DNAI1: variants seen among roughly 807,000 people sequenced by gnomAD.
DNAI1 encodes dynein, axonemal, intermediate polypeptide 1.
In DNAI1, 67 loss-of-function variants were observed where a neutral mutation model predicts 92.0. The ratio of observed to expected loss-of-function variants is 0.73; its 90% confidence interval spans 0.60 to 0.89. DNAI1 has a LOEUF of 0.89. Among genes scored for constraint, DNAI1 ranks in the 40% least tolerant of loss-of-function variants. The pLI, the probability that DNAI1 is intolerant of heterozygous loss-of-function variation, is 0.00. For missense variants in DNAI1, 839 were observed against 866.6 expected, an observed-to-expected ratio of 0.97 and a Z score of 0.40; for synonymous variants, 323 against 319.6, an observed-to-expected ratio of 1.01 and a Z score of -0.11.
chr9:34,514,656 T>C lies in DNAI1; in HGVS notation c.1735T>C (p.Tyr579His). 5.0e-6 allele frequency: 8 copies of C among 1,614,220 alleles called. No homozygotes were observed. The highest frequency in any genetic ancestry group is 6.8e-6 in the Non-Finnish European group (8 of 1,180,042). Residue 579 changes from tyrosine (Y) to histidine (H), a missense_variant, in exon 18 of 20, where the codon TAT (tyrosine) becomes CAT (histidine). Tyr to His is a moderately conservative substitution (Grantham distance 83, BLOSUM62 2). Coordinates refer to ENST00000242317, the MANE Select transcript of DNAI1 (RefSeq NM_012144.4). ...CCTCTGCAGGACCCCGATGTTCATC[T>C]ATGACCTGAACTCAGCCGTGGGTGA... The part of the protein sequence containing the change: ...DHTIKTPMFI[Y>H]DLNSAVGDVA...
At chr9:34,517,254 CCT>C (rs1825186573) in intron 18 of DNAI1, 29 bp from the exon 19 acceptor site, 1 of 1,609,110 alleles carries the variant, frequency 6.2e-7, no homozygotes, top group South Asian at 1.1e-5. Flanking sequence ...CCTCATTACC[CCT>C]GAGTGTGCTG....
At chr9:34,513,252 T>TA in intron 16 of DNAI1, 61 bp downstream of exon 16, 1 of 1,313,040 alleles carries the variant, frequency 7.6e-7, no homozygotes, top group Non-Finnish European at 1.1e-6. Context: ...CTGGGGAGCT[T>TA]AGAGTTCTCA....
At chr9:34,490,572 G>A (rs1824569130) in intron 7 of DNAI1, 84 bp downstream of exon 7, 1 of 1,588,824 alleles carries the variant, frequency 6.3e-7, no homozygotes, top group South Asian at 1.1e-5. Context: ...GGCCCTAGCA[G>A]ACCTCAGCCT....
chr9:34,513,151 AC>A lies in DNAI1; in HGVS notation c.1530del (p.Tyr510Ter), dbSNP rs751920647. ...TTTGACTTCCACAAAGAGATTGACT[AC>A]ATGTTCCTAGTGGGCACAGAGGAGG... ...TAFDFHKEID[Y>X]MFLVGTEEGK... On this transcript the variant is annotated frameshift_variant, in exon 16 of 20. Transcript: ENST00000242317. LOFTEE classifies it high-confidence loss of function. 27 of 1,614,006 alleles carry A rather than the reference AC, an allele frequency of 1.7e-5. No individual in the cohort carries two copies. The highest frequency in any genetic ancestry group is 2.1e-5 in the Non-Finnish European group (25 of 1,180,026).
intron 15 of DNAI1, 107 bp from the exon 16 acceptor site, chr9:34,513,005 G>A: frequency 3.3e-6 from 3 of 915,070 alleles, no homozygotes; most frequent in South Asian, 2.6e-5. Flanking sequence ...CCTGCGCTGA[G>A]TCCTGCGCTG....
intron 4 of DNAI1, chr9:34,488,026 C>A: frequency 5.4e-6 from 2 of 367,942 alleles, no homozygotes; most frequent in Non-Finnish European, 5.4e-6. Context: ...AAGGTGAAAT[C>A]TCAAATGAAA....
chr9:34,480,272 C>T (rs113120937), intron 1 of DNAI1, among the ~76,000 whole-genome samples: 14 of 99,440 alleles, frequency 1.4e-4, no homozygotes, highest in African/African-American at 2.4e-4. Context: ...TTTGGTGGAA[C>T]TTTTTTTTTT....
chr9:34,494,841 G>C (rs1824684406), intron 9 of DNAI1, among the ~76,000 whole-genome samples: 1 of 152,158 alleles, frequency 6.6e-6, no homozygotes, highest in South Asian at 2.1e-4. Context: ...TGAATGCCTT[G>C]GTGTGCACCC....
At chr9:34,501,786 G>A (rs1300296828) in intron 12 of DNAI1, among the ~76,000 whole-genome samples, 1 of 151,904 alleles carries the variant, frequency 6.6e-6, no homozygotes, top group Non-Finnish European at 1.5e-5. Context: ...GGGCATGGGG[G>A]ATGGGATCCC....
chr9:34,490,922 C>T (rs761920328), intron 7 of DNAI1, among the ~76,000 whole-genome samples: 12 of 152,204 alleles, frequency 7.9e-5, no homozygotes, highest in Non-Finnish European at 1.8e-4. Flanking sequence ...GAGGGAGCCT[C>T]TCAGCGTTTC....
chr9:34,517,166 C>G (rs1194294756), intron 18 of DNAI1, 119 bp from the exon 19 acceptor site: 1 of 1,070,830 alleles, frequency 9.3e-7, no homozygotes, highest in Non-Finnish European at 1.4e-6. Flanking sequence ...ACCTCCAGCT[C>G]CAGTGTGCTA....
chr9:34,514,427 A>G lies in DNAI1; in HGVS notation c.1603A>G (p.Thr535Ala), dbSNP rs904725096. 5 of 1,613,946 alleles carry G rather than the reference A, an allele frequency of 3.1e-6. No homozygotes were observed. The highest frequency in any genetic ancestry group is 3.3e-5 in the Admixed American group (2 of 59,992). Reference sequence around the variant, plus strand: ...ATCCTACTCCAGCCAATTCCTCGACACCTATGACGCCCACAACATGTCAGT... The same window carrying G: ...ATCCTACTCCAGCCAATTCCTCGACGCCTATGACGCCCACAACATGTCAGT... ...SKSYSSQFLDTYDAHNMSVDT... is the reference protein window; with the variant it reads ...SKSYSSQFLDAYDAHNMSVDT... Residue 535 changes from threonine to alanine, a missense_variant, in exon 17 of 20, where the codon ACC becomes GCC. Coordinates refer to ENST00000242317, the MANE Select transcript of DNAI1 (RefSeq NM_012144.4).
intron 1 of DNAI1, among the ~76,000 whole-genome samples, chr9:34,459,968 C>G (rs1022251185): frequency 2.0e-5 from 3 of 152,208 alleles, no homozygotes; most frequent in African/African-American, 7.2e-5. Flanking sequence ...TTTCTCATCC[C>G]TGTCCTCACC....
chr9:34,517,231 G>A (rs1825185489), intron 18 of DNAI1, 54 bp from the exon 19 acceptor site: 2 of 1,588,130 alleles, frequency 1.3e-6, no homozygotes, highest in Non-Finnish European at 1.7e-6. Context: ...ATTCCTCTGA[G>A]GTGGAAGACA....
intron 6 of DNAI1, 96 bp from the exon 7 acceptor site, chr9:34,490,273 A>G (rs745358758): frequency 2.2e-5 from 35 of 1,609,872 alleles, no homozygotes; most frequent in Non-Finnish European, 2.8e-5. Flanking sequence ...ACTCTCTCCT[A>G]CCTCTGTCCT....
chr9:34,466,526 G>A (rs1824041058), intron 1 of DNAI1, among the ~76,000 whole-genome samples: 1 of 152,130 alleles, frequency 6.6e-6, no homozygotes, highest in African/African-American at 2.4e-5. Context: ...GCCCTTTACA[G>A]ACCTGGCAAA....
intron 2 of DNAI1, among the ~76,000 whole-genome samples, chr9:34,484,252 C>CT (rs1363499320): frequency 2.0e-5 from 3 of 152,126 alleles, no homozygotes; most frequent in Non-Finnish European, 4.4e-5. Flanking sequence ...TAAATGTTTT[C>CT]TTTTTCACTG....
In DNAI1 at chr9:34,458,843, C is replaced by A; in HGVS notation, c.-163C>A. The A allele has an allele frequency of 2.8e-6, 2 of 711,352 alleles. No homozygotes were observed. Among genetic ancestry groups the A allele is most frequent in the Non-Finnish European group, 2.6e-6 (1 of 388,486 alleles). The allele number at this position is 711,352 out of a possible 1,614,324, so 44.1% of individuals were successfully genotyped here. Reference sequence around the variant, plus strand: ...CCGCGTCAGGGAGTTGGATTCTATCCTGCAAGGGCACGGGGACCCACAACG... The same window carrying A: ...CCGCGTCAGGGAGTTGGATTCTATCATGCAAGGGCACGGGGACCCACAACG... On this transcript the variant is annotated 5_prime_UTR_variant, in exon 1 of 20. It adds an upstream start codon to the 5' untranslated region. Coordinates refer to ENST00000242317, the MANE Select transcript of DNAI1 (RefSeq NM_012144.4). The surrounding 1 kb of genome is among the most constrained non-coding windows in gnomAD (Gnocchi z 6.6).
At position 34,496,622 on chromosome 9, in the gene DNAI1, C is replaced by T. The variant is rs186527818; in HGVS notation, c.817-493C>T. On this transcript the variant is annotated intron_variant, in intron 9 of 19. Transcript: ENST00000242317. ...ATGTATGTAAGCATGTCTCTCCCCT[C>T]TTTGGGCCTTGGTGCCTTCCTCAGC... is the stretch of plus-strand genomic sequence containing the variant. 1.2e-3 allele frequency among the ~76,000 whole-genome samples: 182 copies of T among 152,308 alleles called. 1 individual carries two copies. The highest frequency in any genetic ancestry group is 4.3e-3 in the African/African-American group (180 of 41,566).
Sources: allele counts gnomAD v4.1 joint callset (sites outside exome capture counted in the v4.1 genomes callset), GRCh38; gene constraint gnomAD v4.1.1; non-coding constraint Gnocchi (gnomAD v3.1); transcripts MANE v1.5; gene names NCBI Gene and HGNC (gene_info 2026-07-23, HGNC 2026-07-21).